Variants in FRMD4A observed in about 807,000 individuals in gnomAD.
FRMD4A encodes the protein FERM domain containing 4A.
FRMD4A carries 29 observed loss-of-function variants against 129.1 expected under a neutral mutation model. That is an observed-to-expected ratio of 0.22 (90% confidence interval 0.17 to 0.31). The LOEUF is 0.31. Ranked by LOEUF, FRMD4A falls within the 10% of genes least tolerant of loss-of-function variation. The probability of loss-of-function intolerance (pLI) is 1.00; values close to 1 mark genes in which losing one functional copy is unlikely to be tolerated. For missense variants in FRMD4A, 1,272 were observed against 1,375.8 expected, an observed-to-expected ratio of 0.92 and a Z score of 1.19; for synonymous variants, 634 against 571.6, an observed-to-expected ratio of 1.11 and a Z score of -1.56.
At position 13,656,710 on chromosome 10, in the gene FRMD4A, C is replaced by T. The variant is rs374074686; in HGVS notation, c.2879G>A (p.Ser960Asn). ...CACGAAGGTGCTCTGGGAGGAGGTG[C>T]TGTACTGCGAGCCGCTGTCCGAGGA... ...STSSDSGSQY[S>N]TSSQSTFVAH... The change falls in exon 22 of 25, where the codon AGC (serine) becomes AAC (asparagine). Residue 960 changes from serine to asparagine, a missense_variant. This residue lies in a region of FRMD4A where 972 missense variants were observed against 892.3 expected (regional missense o/e 1.09). Coordinates refer to ENST00000357447, the MANE Select transcript of FRMD4A (RefSeq NM_018027.5). 57 of 1,584,694 alleles carry T rather than the reference C, an allele frequency of 3.6e-5. No individual in the cohort carries two copies. The highest frequency in any genetic ancestry group is 4.8e-5 in the Non-Finnish European group (56 of 1,166,854).
chr10:13,874,004 T>G (rs1479554255), intron 2 of FRMD4A, among the ~76,000 whole-genome samples: 2 of 150,044 alleles, frequency 1.3e-5, no homozygotes, highest in Non-Finnish European at 3.0e-5. Context: ...CCCAGCACTT[T>G]GGGAGGCCGA....
rs117559134 is a variant in FRMD4A at position 13,875,762 on chromosome 10, A to C, written c.46-16850T>G. ...GGGAAAAGCTGCATCGGTGGCCTACATATCACAAGCTCTAGTGGTAGCGTG... is the reference window on the plus strand; with the variant it reads ...GGGAAAAGCTGCATCGGTGGCCTACCTATCACAAGCTCTAGTGGTAGCGTG... On this transcript the variant is annotated intron_variant, in intron 2 of 24. Coordinates refer to ENST00000357447, the MANE Select transcript of FRMD4A (RefSeq NM_018027.5). Among the ~76,000 whole-genome samples, 1,300 of 152,304 alleles carry C rather than the reference A, an allele frequency of 8.5e-3. 6 individuals are homozygous for C. The highest frequency in any genetic ancestry group is 0.02 in the Middle Eastern group (6 of 294).
chr10:14,305,865 T>C (rs925351609), intron 2 of FRMD4A, among the ~76,000 whole-genome samples: 7 of 152,032 alleles, frequency 4.6e-5, no homozygotes, highest in African/African-American at 1.7e-4. Flanking sequence ...CCTCAGCAAA[T>C]GGAGGAACAG....
At chr10:13,874,244 T>TTAA (rs2094467828) in intron 2 of FRMD4A, among the ~76,000 whole-genome samples, 1 of 14,722 alleles carries the variant, frequency 6.8e-5, no homozygotes, top group African/African-American at 2.9e-4. Flanking sequence ...AGACACTGTC[T>TTAA]CAAAAAAAAA....
chr10:14,148,761 C>CAAA (rs1330642686), intron 2 of FRMD4A, among the ~76,000 whole-genome samples: 3 of 102,662 alleles, frequency 2.9e-5, no homozygotes, highest in Non-Finnish European at 6.1e-5. Flanking sequence ...GACTCTGTCT[C>CAAA]AAAAAAAAAA....
chr10:13,748,804 G>A (rs2091423557), intron 8 of FRMD4A, among the ~76,000 whole-genome samples: 1 of 152,070 alleles, frequency 6.6e-6, no homozygotes, highest in Non-Finnish European at 1.5e-5. Context: ...CAACCAGTTG[G>A]TATATAACAC....
intron 2 of FRMD4A, among the ~76,000 whole-genome samples, chr10:14,174,734 T>A (rs192038815): frequency 6.6e-6 from 1 of 152,308 alleles, no homozygotes; most frequent in East Asian, 1.9e-4. Context: ...ATTTCACACC[T>A]GGATAGTTAA....
intron 15 of FRMD4A, among the ~76,000 whole-genome samples, chr10:13,689,250 T>G (rs2085437221): frequency 7.1e-6 from 1 of 140,164 alleles, no homozygotes; most frequent in African/African-American, 2.7e-5. Flanking sequence ...ATGCTGTGTA[T>G]AGTACCTGGC....
chr10:13,993,266 G>A (rs6602695), intron 2 of FRMD4A, among the ~76,000 whole-genome samples: 13,367 of 152,206 alleles, frequency 0.088, 691 homozygotes, highest in Non-Finnish European at 0.1. Flanking sequence ...ACATCGTGGT[G>A]AGATCCAGAG....
intron 2 of FRMD4A, among the ~76,000 whole-genome samples, chr10:14,021,345 A>T (rs1832737436): frequency 6.6e-6 from 1 of 151,786 alleles, no homozygotes; most frequent in Non-Finnish European, 1.5e-5. Context: ...CATTCAAGAC[A>T]AGCCTGGGCA....
intron 3 of FRMD4A, among the ~76,000 whole-genome samples, chr10:13,835,687 G>A (rs1474959186): frequency 6.6e-6 from 1 of 152,128 alleles, no homozygotes; most frequent in African/African-American, 2.4e-5. Context: ...ACCCCCAGAT[G>A]GGACAGTCTA....
intron 2 of FRMD4A, among the ~76,000 whole-genome samples, chr10:13,982,937 C>G (rs371802015): frequency 1.2e-4 from 18 of 152,108 alleles, no homozygotes; most frequent in Non-Finnish European, 1.9e-4. Flanking sequence ...TTTGCAGGTC[C>G]TCTTTGTCCT....
At chr10:14,258,262 G>T (rs1358678706) in intron 2 of FRMD4A, among the ~76,000 whole-genome samples, 2 of 150,574 alleles carry the variant, frequency 1.3e-5, no homozygotes, top group African/African-American at 4.9e-5. Context: ...ATAATAAAAG[G>T]CAAGTCACAG....
intron 2 of FRMD4A, among the ~76,000 whole-genome samples, chr10:13,956,894 C>T (rs1045694591): frequency 3.3e-5 from 5 of 152,274 alleles, no homozygotes; most frequent in Middle Eastern, 3.4e-3. Flanking sequence ...AAAGTGTAGA[C>T]GTTGAGCATT....
At chr10:13,728,902 C>G (rs1357739558) in intron 12 of FRMD4A, among the ~76,000 whole-genome samples, 1 of 152,116 alleles carries the variant, frequency 6.6e-6, no homozygotes, top group Non-Finnish European at 1.5e-5. Flanking sequence ...TGGGATTATT[C>G]TTCCAAATGG....
chr10:13,781,354 C>T (rs1178863902), intron 6 of FRMD4A, among the ~76,000 whole-genome samples: 18 of 112,096 alleles, frequency 1.6e-4, no homozygotes, highest in Non-Finnish European at 2.7e-4. Flanking sequence ...ATACACGCTA[C>T]AACATGGATG....
At chr10:13,724,642 T>G (rs898246396) in intron 12 of FRMD4A, among the ~76,000 whole-genome samples, 2 of 152,226 alleles carry the variant, frequency 1.3e-5, no homozygotes, top group Admixed American at 1.3e-4. Flanking sequence ...AATGGGAATC[T>G]GCATCTGTAG....
chr10:14,293,986 C>A (rs1845929041), intron 2 of FRMD4A, among the ~76,000 whole-genome samples: 1 of 152,048 alleles, frequency 6.6e-6, no homozygotes, highest in Non-Finnish European at 1.5e-5. Flanking sequence ...TAGAGTTAGG[C>A]AAAACTAAAT....
chr10:13,676,591 T>G (rs2084027460), intron 15 of FRMD4A, among the ~76,000 whole-genome samples: 1 of 152,198 alleles, frequency 6.6e-6, no homozygotes, highest in Admixed American at 6.5e-5. Context: ...AACTTTTCTT[T>G]GCAAGCCCAT....
Sources: allele counts gnomAD v4.1 joint callset (sites outside exome capture counted in the v4.1 genomes callset), GRCh38; gene constraint gnomAD v4.1.1; regional missense constraint gnomAD v4.1.1; transcripts MANE v1.5; gene names NCBI Gene and HGNC (gene_info 2026-07-23, HGNC 2026-07-21).